Variants in CCNJL observed in about 807,000 individuals in gnomAD.
CCNJL encodes the protein cyclin J like, also known as cyclin-J-like protein.
In CCNJL, 33 loss-of-function variants were observed where a neutral mutation model predicts 33.4. The ratio of observed to expected loss-of-function variants is 0.99; its 90% confidence interval spans 0.75 to 1.32. The LOEUF (loss-of-function observed/expected upper bound fraction) is 1.32, where lower values mean the gene tolerates loss of function less well. Ranked by LOEUF, CCNJL falls within the 40% of genes most tolerant of loss-of-function variation. The pLI, the probability that CCNJL is intolerant of heterozygous loss-of-function variation, is 0.00. For missense variants in CCNJL, 512 were observed against 499.7 expected, an observed-to-expected ratio of 1.02 and a Z score of -0.23; for synonymous variants, 227 against 220.9, an observed-to-expected ratio of 1.03 and a Z score of -0.24.
At chr5:160,264,613 TTCAG>T (rs1395796555) in intron 3 of CCNJL, among the ~76,000 whole-genome samples, 1 of 152,040 alleles carries the variant, frequency 6.6e-6, no homozygotes, top group African/African-American at 2.4e-5. Flanking sequence ...CACTGTACAG[TTCAG>T]TGACATTATA....
chr5:160,249,262 A>G lies in CCNJL; in HGVS notation c.*4116T>C, dbSNP rs1304191361. ...GGAATAGGTCTGTTTCTATATGCAC[A>G]TGTAACCCAAATGTCAAATATAAAT... On this transcript the variant is annotated 3_prime_UTR_variant, in exon 6 of 6. Coordinates refer to ENST00000257536, the MANE Select transcript of CCNJL (RefSeq NM_001308173.3). 2 of 152,220 alleles carry G rather than the reference A, an allele frequency of 1.3e-5. No homozygotes were observed. Among genetic ancestry groups the G allele is most frequent in the Non-Finnish European group, 2.9e-5 (2 of 68,044 alleles). The allele number at this position is 152,220 out of a possible 1,614,324, so 9.4% of individuals were successfully genotyped here.
At chr5:160,306,954 A>T (rs1018319066) in intron 2 of CCNJL, among the ~76,000 whole-genome samples, 1 of 152,234 alleles carries the variant, frequency 6.6e-6, no homozygotes, top group African/African-American at 2.4e-5. Context: ...CTGACAGGAG[A>T]ACATGCAGGT....
intron 3 of CCNJL, among the ~76,000 whole-genome samples, chr5:160,277,274 G>T (rs1034138315): frequency 1.3e-5 from 2 of 152,164 alleles, no homozygotes; most frequent in Admixed American, 1.3e-4. Context: ...TGCCTGGCAT[G>T]GGGTCCAGCA....
intron 1 of CCNJL, among the ~76,000 whole-genome samples, chr5:160,320,607 G>A (rs1037059383): frequency 6.6e-6 from 1 of 152,200 alleles, no homozygotes; most frequent in Non-Finnish European, 1.5e-5. Context: ...CAGTGGGTGC[G>A]TGCTGCATCC....
In CCNJL at chr5:160,327,211, C is replaced by T. The variant is rs528254647; in HGVS notation, n.207-11706G>A. Among the ~76,000 whole-genome samples, 110 of 152,114 alleles carry T rather than the reference C, an allele frequency of 7.2e-4. 1 individual carries two copies. The Middle Eastern group carries it at 0.014, about 19-fold the overall frequency. On this transcript the variant is annotated intron_variant and non_coding_transcript_variant, in intron 1 of 7. Coordinates refer to the CCNJL transcript ENST00000377503. ...ATGTGAGCTGGGTGAGTCTTTGTTT[C>T]CTCGTCTGAATATAATGAGGATAAC...
At chr5:160,275,679 C>T (rs970176229) in intron 3 of CCNJL, among the ~76,000 whole-genome samples, 4 of 152,164 alleles carry the variant, frequency 2.6e-5, no homozygotes, top group East Asian at 1.9e-4. Flanking sequence ...AAAGTAAAAA[C>T]GTATCTCACA....
chr5:160,268,381 T>G (rs1195845271), intron 3 of CCNJL, among the ~76,000 whole-genome samples: 1 of 152,244 alleles, frequency 6.6e-6, no homozygotes, highest in African/African-American at 2.4e-5. Context: ...TGGACCTGTG[T>G]TTCCTCATCT....
intron 2 of CCNJL, among the ~76,000 whole-genome samples, chr5:160,294,228 T>A (rs372421032): frequency 2.0e-5 from 3 of 152,210 alleles, no homozygotes; most frequent in Non-Finnish European, 4.4e-5. Context: ...TCTGCCCCGA[T>A]TGCTTCATAA....
chr5:160,311,773 C>A lies in CCNJL; in HGVS notation c.66+85G>T, dbSNP rs554980544. The A allele has an allele frequency of 2.1e-5, 28 of 1,327,670 alleles. No homozygotes were observed. In the African/African-American group the frequency reaches 3.5e-4, roughly 16 times the overall value. The allele number at this position is 1,327,670 out of a possible 1,614,324, so 82.2% of individuals were successfully genotyped here. ...AAGGCACCCGGGAGTTCTGAGTTCCCACGCAGGCGACCTGAGAACACGAAG... is the reference window on the plus strand; with the variant it reads ...AAGGCACCCGGGAGTTCTGAGTTCCAACGCAGGCGACCTGAGAACACGAAG... On this transcript the variant is annotated intron_variant, in intron 2 of 5. Coordinates refer to ENST00000257536, the MANE Select transcript of CCNJL (RefSeq NM_001308173.3).
At chr5:160,258,235 C>T (rs1485749731) in intron 4 of CCNJL, 20 of 635,772 alleles carry the variant, frequency 3.1e-5, no homozygotes, top group Admixed American at 2.1e-4. Flanking sequence ...TTTTTAAGAC[C>T]GAGTCTCGCT....
At chr5:160,258,261 C>A in intron 4 of CCNJL, 1 of 689,994 alleles carries the variant, frequency 1.4e-6, no homozygotes. Context: ...AAATGGCTGG[C>A]AAGAAGGCTG....
chr5:160,282,317 A>C (rs1462409928), intron 2 of CCNJL, among the ~76,000 whole-genome samples: 1 of 149,122 alleles, frequency 6.7e-6, no homozygotes, highest in East Asian at 1.9e-4. Context: ...GGAATAAGAT[A>C]GACATAGACA....
In CCNJL at chr5:160,259,777, G is replaced by T; in HGVS notation, c.281-6C>A. On this transcript the variant is annotated splice_polypyrimidine_tract_variant and splice_region_variant and intron_variant, in intron 3 of 5. Coordinates refer to ENST00000257536, the MANE Select transcript of CCNJL (RefSeq NM_001308173.3). ...TTCCCGATCCTCGAACTTACCTGTC[G>T]GGGAGCAGGGGAAGCAGGGGTTACT... 1 of 1,595,158 alleles carries T rather than the reference G, an allele frequency of 6.3e-7. No homozygotes were observed. Among genetic ancestry groups the T allele is most frequent in the African/African-American group, 1.3e-5 (1 of 74,724 alleles).
intron 2 of CCNJL, among the ~76,000 whole-genome samples, chr5:160,295,356 G>A (rs779413139): frequency 6.6e-6 from 1 of 152,150 alleles, no homozygotes; most frequent in Non-Finnish European, 1.5e-5. Flanking sequence ...GGGCATGGTG[G>A]TGCACACCCG....
At chr5:160,328,641 T>A (rs1319122823) in intron 1 of CCNJL, among the ~76,000 whole-genome samples, 2 of 148,602 alleles carry the variant, frequency 1.3e-5, no homozygotes, top group African/African-American at 2.5e-5. Context: ...TAATCCCAGC[T>A]CTTTGGGATC....
intron 1 of CCNJL, among the ~76,000 whole-genome samples, chr5:160,320,215 A>T (rs1274725549): frequency 6.6e-6 from 1 of 152,236 alleles, no homozygotes; most frequent in East Asian, 1.9e-4. Context: ...TTTGTCATCC[A>T]TAATAATAAC....
At chr5:160,281,267 T>C (rs1390312016) in intron 2 of CCNJL, 2 of 164,972 alleles carry the variant, frequency 1.2e-5, no homozygotes, top group African/African-American at 2.4e-5. Context: ...GAGGGTAGGA[T>C]TACGAGAGAC....
chr5:160,319,261 A>C (rs1284306969), intron 1 of CCNJL, among the ~76,000 whole-genome samples: 1 of 152,148 alleles, frequency 6.6e-6, no homozygotes, highest in African/African-American at 2.4e-5. Flanking sequence ...GACTACAAGC[A>C]AGGGTCACCT....
At chr5:160,320,365 G>A (rs1159085481) in intron 1 of CCNJL, among the ~76,000 whole-genome samples, 1 of 152,086 alleles carries the variant, frequency 6.6e-6, no homozygotes, top group Non-Finnish European at 1.5e-5. Flanking sequence ...GGTGGGATTC[G>A]ATCCCAGAGG....
Sources: gnomAD v4.1 joint callset for allele counts (sites outside exome capture counted in the v4.1 genomes callset) on GRCh38, gnomAD v4.1.1 for gene constraint, MANE v1.5 for transcripts, NCBI Gene and HGNC (gene_info 2026-07-23, HGNC 2026-07-21) for gene names.